USH2A: variants seen among roughly 807,000 people sequenced by gnomAD.
USH2A encodes Usher syndrome 2A (autosomal recessive, mild).
In USH2A, 443 loss-of-function variants were observed where a neutral mutation model predicts 538.9. The observed-to-expected ratio is 0.82, with a 90% CI of 0.76 to 0.89. The LOEUF (loss-of-function observed/expected upper bound fraction) is 0.89. Among genes scored for constraint, USH2A ranks in the 40% least tolerant of loss-of-function variants. USH2A has a pLI of 0.00. For synonymous variants in USH2A, 2,413 were observed against 2,273.5 expected (o/e 1.06, Z -1.75); for missense variants, 6,633 against 6,324.8 (o/e 1.05, Z -1.65).
At chr1:215,764,878 A>C (rs533550769) in intron 56 of USH2A, among the ~76,000 whole-genome samples, 15 of 152,198 alleles carry the variant, frequency 9.9e-5, no homozygotes, top group African/African-American at 3.1e-4. Flanking sequence ...ATTCAGCCAG[A>C]AAATGGCCCT....
chr1:216,011,639 C>T (rs1050365530), intron 32 of USH2A, among the ~76,000 whole-genome samples: 21 of 152,100 alleles, frequency 1.4e-4, no homozygotes, highest in East Asian at 3.9e-4. Flanking sequence ...ATCATGTCTC[C>T]GTGCAGCGGC....
chr1:216,350,878 C>A (rs1349708165), intron 4 of USH2A, among the ~76,000 whole-genome samples: 1 of 152,146 alleles, frequency 6.6e-6, no homozygotes, highest in Non-Finnish European at 1.5e-5. Context: ...CACATTTCCC[C>A]TTTTCGCTGC....
intron 32 of USH2A, among the ~76,000 whole-genome samples, chr1:216,021,768 T>C (rs978950938): frequency 2.6e-4 from 39 of 152,162 alleles, no homozygotes; most frequent in Admixed American, 4.6e-4. Flanking sequence ...GACCTGATTG[T>C]GAGTGTAAGA....
intron 43 of USH2A, among the ~76,000 whole-genome samples, 177 bp from the exon 44 acceptor site, chr1:215,867,347 T>C (rs1046871396): frequency 6.6e-6 from 1 of 152,240 alleles, no homozygotes. Context: ...ACACAACACA[T>C]ATCATTAATT....
chr1:216,374,518 C>A (rs902022831), intron 3 of USH2A, among the ~76,000 whole-genome samples: 21 of 152,126 alleles, frequency 1.4e-4, no homozygotes, highest in Non-Finnish European at 3.1e-4. Context: ...ATTAATATAT[C>A]TGCCAGGCTT....
At chr1:215,986,962 T>C (rs1667886665) in intron 35 of USH2A, among the ~76,000 whole-genome samples, 1 of 152,244 alleles carries the variant, frequency 6.6e-6, no homozygotes, top group African/African-American at 2.4e-5. Context: ...TAGGTCGATT[T>C]ACTTAGGTAA....
intron 26 of USH2A, among the ~76,000 whole-genome samples, chr1:216,082,685 G>T (rs2031990267): frequency 6.6e-6 from 1 of 152,036 alleles, no homozygotes; most frequent in African/African-American, 2.4e-5. Context: ...AGTTACAGTT[G>T]CCCATTGTAT....
chr1:215,926,614 C>CTTTTTTTTT lies in USH2A; in HGVS notation c.7300+7993_7300+8001dup, dbSNP rs10673615. Among the ~76,000 whole-genome samples the CTTTTTTTTT allele has an allele frequency of 9.0e-3, 682 of 75,768 alleles. 33 individuals carry two copies. The highest frequency in any genetic ancestry group is 0.011 in the Middle Eastern group (1 of 92). The allele number at this position is 75,768 out of a possible 152,430, so 49.7% of individuals were successfully genotyped here. A position where few individuals can be genotyped will look rare whatever the true frequency, so the allele number is the denominator to read the frequency against. On this transcript the variant is annotated intron_variant, in intron 38 of 71. Coordinates refer to ENST00000307340, the MANE Select transcript of USH2A (RefSeq NM_206933.4). ...GTAGACACTTGCTTTACCTACCTATCTTTTTTTTTTTTTTTTTTTTGAGAC... is the reference window on the plus strand; with the variant it reads ...GTAGACACTTGCTTTACCTACCTATCTTTTTTTTTTTTTTTTTTTTTTTTTTTTTGAGAC...
At chr1:216,087,665 G>C (rs1571950990) in intron 23 of USH2A, among the ~76,000 whole-genome samples, 1 of 152,058 alleles carries the variant, frequency 6.6e-6, no homozygotes, top group Admixed American at 6.6e-5. Flanking sequence ...TTTAGCCCAT[G>C]GTGATAGTTT....
At chr1:215,673,969 G>T (rs900122356) in intron 63 of USH2A, 131 bp downstream of exon 63, 19 of 1,514,004 alleles carry the variant, frequency 1.3e-5, no homozygotes, top group Non-Finnish European at 1.5e-5. Flanking sequence ...TACTATGCAC[G>T]TTTAGGTGGA....
intron 9 of USH2A, among the ~76,000 whole-genome samples, chr1:216,321,401 T>C (rs1302699136): frequency 6.6e-6 from 1 of 152,202 alleles, no homozygotes; most frequent in African/African-American, 2.4e-5. Context: ...ATCATTTTAC[T>C]ATAGATTTTC....
intron 21 of USH2A, among the ~76,000 whole-genome samples, chr1:216,165,118 T>C (rs961097843): frequency 6.6e-6 from 1 of 152,192 alleles, no homozygotes; most frequent in Non-Finnish European, 1.5e-5. Context: ...AGCATGATGC[T>C]GTTAATCCAT....
chr1:215,773,528 C>T (rs1277556438), intron 55 of USH2A, among the ~76,000 whole-genome samples: 8 of 149,838 alleles, frequency 5.3e-5, no homozygotes, highest in African/African-American at 2.0e-4. Context: ...CTCTCTCTCT[C>T]TCTCTGTCTT....
In USH2A at chr1:215,640,859, A is replaced by G. The variant is rs572451374; in HGVS notation, c.14792-125T>C. On this transcript the variant is annotated intron_variant, in intron 67 of 71. Transcript: ENST00000307340. ...CCAATCCAAACAAAAAAAAAAAAAA[A>G]AAAGAAAACCAACATTGCTAGAATC... The G allele has an allele frequency of 1.6e-5, 17 of 1,073,568 alleles. No individual in the cohort carries two copies. In the African/African-American group the frequency reaches 2.1e-4, roughly 13 times the overall value. 66.5% of individuals were successfully genotyped at this position (1,073,568 alleles called of 1,614,324 possible). A position where few individuals can be genotyped will look rare whatever the true frequency, so the allele number is the denominator to read the frequency against.
chr1:215,770,305 G>A (rs899533605), intron 55 of USH2A, among the ~76,000 whole-genome samples: 7 of 151,978 alleles, frequency 4.6e-5, no homozygotes, highest in Non-Finnish European at 7.4e-5. Context: ...AGATTAAGCA[G>A]CATTTAGAAG....
chr1:216,091,438 AT>A lies in USH2A; in HGVS notation c.4759-2300del, dbSNP rs1306811125. On this transcript the variant is annotated intron_variant, in intron 22 of 71. Coordinates refer to ENST00000307340, the MANE Select transcript of USH2A (RefSeq NM_206933.4). ...GTGAAGAATGGGAAAATTATAGAAA[AT>A]TGTTGGAGATAACAATAAAAACTGT... Among the ~76,000 whole-genome samples the A allele has an allele frequency of 2.0e-5, 3 of 152,216 alleles. No individual in the cohort carries two copies. In the East Asian group the frequency reaches 5.8e-4, roughly 29 times the overall value.
intron 21 of USH2A, among the ~76,000 whole-genome samples, chr1:216,172,569 GA>G (rs1249505596): frequency 6.6e-6 from 1 of 152,010 alleles, no homozygotes; most frequent in Admixed American, 6.6e-5. Flanking sequence ...AAATATAAAG[GA>G]ATGTGAGTTG....
At chr1:216,146,415 C>A (rs1284686143) in intron 21 of USH2A, among the ~76,000 whole-genome samples, 1 of 152,324 alleles carries the variant, frequency 6.6e-6, no homozygotes. Flanking sequence ...GGTGTTTAAT[C>A]ATTGCAGGGA....
At chr1:215,716,868 A>C (rs1659502622) in intron 61 of USH2A, among the ~76,000 whole-genome samples, 1 of 152,190 alleles carries the variant, frequency 6.6e-6, no homozygotes, top group Non-Finnish European at 1.5e-5. Flanking sequence ...GTGCTGTCAG[A>C]TTGGTCAGAT....
Sources: gnomAD v4.1 joint callset for allele counts (sites outside exome capture counted in the v4.1 genomes callset) on GRCh38, gnomAD v4.1.1 for gene constraint, MANE v1.5 for transcripts, NCBI Gene and HGNC (gene_info 2026-07-23, HGNC 2026-07-21) for gene names.